ADAM10: variants seen among roughly 807,000 people sequenced by gnomAD.
ADAM10 encodes ADAM metallopeptidase domain 10, also known as disintegrin and metalloproteinase domain-containing protein 10.
In ADAM10, 17 loss-of-function variants were observed where a neutral mutation model predicts 90.1. That is an observed-to-expected ratio of 0.19 (90% confidence interval 0.13 to 0.28). The LOEUF (loss-of-function observed/expected upper bound fraction) is 0.28, where lower values mean the gene tolerates loss of function less well. Among genes scored for constraint, ADAM10 ranks in the 10% least tolerant of loss-of-function variants. The pLI, the probability that ADAM10 is intolerant of heterozygous loss-of-function variation, is 1.00. For missense variants in ADAM10, 610 were observed against 914.3 expected (o/e 0.67, Z 4.29); for synonymous variants, 310 against 298.6 (o/e 1.04, Z -0.40).
intron 5 of ADAM10, among the ~76,000 whole-genome samples, chr15:58,661,622 G>A (rs542121995): frequency 4.1e-4 from 62 of 152,070 alleles, no homozygotes; most frequent in African/African-American, 1.5e-3. Context: ...AACATACCCT[G>A]GTATGGTTTT....
intron 1 of ADAM10, among the ~76,000 whole-genome samples, chr15:58,736,591 A>T (rs1444430200): frequency 6.6e-6 from 1 of 152,190 alleles, no homozygotes; most frequent in African/African-American, 2.4e-5. Flanking sequence ...CTTATTTTCA[A>T]ATGAAACAGA....
rs1326025626 is a variant in ADAM10 at position 58,611,918 on chromosome 15, C to G, written c.1585G>C (p.Asp529His). Residue 529 changes from aspartate (D) to histidine (H), a missense_variant, in exon 12 of 16, where the codon GAC (aspartate) becomes CAC (histidine). This residue lies in a region of ADAM10 where 53 missense variants were observed against 62.0 expected (regional missense o/e 0.85). Coordinates refer to ENST00000260408, the MANE Select transcript of ADAM10 (RefSeq NM_001110.4). ...TTACATATTCCTTCCCTTGCACAGT[C>G]TGAATCATCCCGACACTTCTCAGAC... is the stretch of plus-strand genomic sequence containing the variant. ...SKSEKCRDDS[D>H]CAREGICNGF... 1 of 1,614,180 alleles carries G rather than the reference C, an allele frequency of 6.2e-7. No homozygotes were observed. Among genetic ancestry groups the G allele is most frequent in the East Asian group, 2.2e-5 (1 of 44,880 alleles).
intron 14 of ADAM10, among the ~76,000 whole-genome samples, chr15:58,608,962 C>T (rs895279229): frequency 1.3e-5 from 2 of 151,848 alleles, no homozygotes. Flanking sequence ...CTGTCTTCTA[C>T]AGCAGACAAG....
At chr15:58,709,375 C>G (rs1261686500) in intron 2 of ADAM10, among the ~76,000 whole-genome samples, 1 of 152,120 alleles carries the variant, frequency 6.6e-6, no homozygotes, top group Non-Finnish European at 1.5e-5. Flanking sequence ...ATAGGCTTTT[C>G]TACTAGGCAT....
intron 13 of ADAM10, 67 bp from the exon 14 acceptor site, chr15:58,610,584 A>G: frequency 2.0e-6 from 3 of 1,489,484 alleles, no homozygotes; most frequent in South Asian, 2.3e-5. Flanking sequence ...TCAGATTTCC[A>G]GTTGTGCAAA....
chr15:58,708,114 T>C (rs1285737512), intron 2 of ADAM10, among the ~76,000 whole-genome samples: 1 of 151,650 alleles, frequency 6.6e-6, no homozygotes, highest in African/African-American at 2.4e-5. Flanking sequence ...AATAAAACAA[T>C]GACAGGATTT....
intron 4 of ADAM10, among the ~76,000 whole-genome samples, chr15:58,669,885 T>G (rs943946877): frequency 6.6e-6 from 1 of 152,128 alleles, no homozygotes; most frequent in Non-Finnish European, 1.5e-5. Context: ...GAGTACATAA[T>G]GTATAATTGT....
At chr15:58,715,421 A>AC (rs1408260351) in intron 2 of ADAM10, among the ~76,000 whole-genome samples, 2 of 151,982 alleles carry the variant, frequency 1.3e-5, no homozygotes, top group African/African-American at 4.8e-5. Flanking sequence ...TCTCAAAAAA[A>AC]AAAAAAAAGT....
At position 58,598,549 on chromosome 15, in the gene ADAM10, T is replaced by A. The variant is rs142618762; in HGVS notation, c.2153-908A>T. On this transcript the variant is annotated intron_variant, in intron 15 of 15. Coordinates refer to ENST00000260408, the MANE Select transcript of ADAM10 (RefSeq NM_001110.4). ...AGAAAAAGTGTAAGAAACCTAGTTT[T>A]GAACTACTTTGTATAAGGTAGTGGA... 1.6e-4 allele frequency among the ~76,000 whole-genome samples: 24 copies of A among 152,322 alleles called. No homozygotes were observed. In the East Asian group the frequency reaches 4.6e-3, roughly 29 times the overall value.
intron 10 of ADAM10, among the ~76,000 whole-genome samples, chr15:58,624,253 T>C (rs1393175882): frequency 2.0e-5 from 3 of 151,566 alleles, no homozygotes; most frequent in Non-Finnish European, 4.4e-5. Flanking sequence ...GCCACTGCAC[T>C]CCAGCCTGGT....
At chr15:58,674,008 C>T (rs1219550980) in intron 4 of ADAM10, among the ~76,000 whole-genome samples, 1 of 150,438 alleles carries the variant, frequency 6.6e-6, no homozygotes, top group African/African-American at 2.5e-5. Flanking sequence ...GCTGGGATTA[C>T]AGGCGTGAGC....
At chr15:58,713,080 A>G (rs541491630) in intron 2 of ADAM10, among the ~76,000 whole-genome samples, 3 of 152,238 alleles carry the variant, frequency 2.0e-5, no homozygotes, top group Admixed American at 6.5e-5. Flanking sequence ...CCTAGTATCT[A>G]TGTACTTAAA....
chr15:58,633,325 G>C lies in ADAM10; in HGVS notation c.1047C>G (p.Leu349=). Residue 349 remains leucine (L), a synonymous_variant, in exon 9 of 16, where the codon CTC becomes CTG. Coordinates refer to ENST00000260408, the MANE Select transcript of ADAM10 (RefSeq NM_001110.4). ...SSGGICEKSK[L]YSDGKKKSLN... ...AGGACTTCTTCTTACCATCTGAATA[G>C]AGTTTACTTTTTTCACATATTCCTC... 6.2e-7 allele frequency: 1 copy of C among 1,613,698 alleles called. No individual in the cohort carries two copies. Among genetic ancestry groups the C allele is most frequent in the Admixed American group, 1.7e-5 (1 of 60,014 alleles).
intron 4 of ADAM10, among the ~76,000 whole-genome samples, chr15:58,673,125 G>A (rs972069588): frequency 1.3e-5 from 2 of 151,924 alleles, no homozygotes; most frequent in Non-Finnish European, 2.9e-5. Context: ...TGATGAGAGA[G>A]CATAAAGAAA....
chr15:58,716,983 G>A (rs1015006708), intron 2 of ADAM10, among the ~76,000 whole-genome samples: 1 of 151,862 alleles, frequency 6.6e-6, no homozygotes, highest in Non-Finnish European at 1.5e-5. Flanking sequence ...TAGTTTCCTC[G>A]GATATAAAAA....
In ADAM10 at chr15:58,746,700, G is replaced by A. The variant is rs1209821845; in HGVS notation, c.55+2780C>T. On this transcript the variant is annotated intron_variant, in intron 1 of 15. Coordinates refer to ENST00000260408, the MANE Select transcript of ADAM10 (RefSeq NM_001110.4). Reference sequence around the variant, plus strand: ...CCAAGGTAGGTGGGTCGCTAGGGACGAGGAGTTTGAGACCAGCCTGGGCAA... The same window carrying A: ...CCAAGGTAGGTGGGTCGCTAGGGACAAGGAGTTTGAGACCAGCCTGGGCAA... Among the ~76,000 whole-genome samples, 3 of 152,132 alleles carry A rather than the reference G, an allele frequency of 2.0e-5. No homozygotes were observed. In the East Asian group the frequency reaches 5.8e-4, roughly 29 times the overall value.
At chr15:58,615,741 G>C (rs138095483) in intron 11 of ADAM10, among the ~76,000 whole-genome samples, 2 of 152,050 alleles carry the variant, frequency 1.3e-5, no homozygotes, top group African/African-American at 4.8e-5. Flanking sequence ...AGGCACAGTG[G>C]CTCATTTTGT....
rs529512541 is a variant in ADAM10, at chr15:58,651,759, G to C, written c.586-5555C>G. On this transcript the variant is annotated intron_variant, in intron 5 of 15. Transcript: ENST00000260408. Reference sequence around the variant, plus strand: ...TCTCTATGATGTATCTCTTCGGGTAGATGTGCAGCAGTGGGACTGCTGGAT... The same window carrying C: ...TCTCTATGATGTATCTCTTCGGGTACATGTGCAGCAGTGGGACTGCTGGAT... Among the ~76,000 whole-genome samples the C allele has an allele frequency of 7.2e-5, 11 of 152,198 alleles. No homozygotes were observed. The South Asian group carries it at 2.3e-3, about 32-fold the overall frequency.
At chr15:58,602,348 C>G (rs527943470) in intron 14 of ADAM10, among the ~76,000 whole-genome samples, 2 of 152,254 alleles carry the variant, frequency 1.3e-5, no homozygotes, top group Admixed American at 1.3e-4. Flanking sequence ...CCTCATCCTA[C>G]TTGCACTCTT....
Sources: gnomAD v4.1 joint callset for allele counts (sites outside exome capture counted in the v4.1 genomes callset) on GRCh38, gnomAD v4.1.1 for gene constraint, gnomAD v4.1.1 regional missense constraint, MANE v1.5 for transcripts, NCBI Gene and HGNC (gene_info 2026-07-23, HGNC 2026-07-21) for gene names.